Variants in CAMK2G observed in about 807,000 individuals in gnomAD.
The protein encoded by CAMK2G is calcium/calmodulin-dependent protein kinase type II subunit gamma.
In CAMK2G, 23 loss-of-function variants were observed where a neutral mutation model predicts 88.7. The observed-to-expected ratio is 0.26, with a 90% CI of 0.19 to 0.37. CAMK2G has a LOEUF of 0.37. Among genes scored for constraint, CAMK2G ranks in the 10% least tolerant of loss-of-function variants. The pLI is 1.00. For synonymous variants in CAMK2G, 263 were observed against 294.8 expected, an observed-to-expected ratio of 0.89 and a Z score of 1.11; for missense variants, 476 against 780.8, an observed-to-expected ratio of 0.61 and a Z score of 4.65.
At chr10:73,844,931 C>T (rs543200196) in intron 10 of CAMK2G, among the ~76,000 whole-genome samples, 50 of 152,242 alleles carry the variant, frequency 3.3e-4, no homozygotes, top group East Asian at 5.8e-4. Context: ...TGATTCCTGA[C>T]GCTCCCTTAC....
At chr10:73,831,081 T>C (rs973990614) in intron 14 of CAMK2G, among the ~76,000 whole-genome samples, 11 of 152,226 alleles carry the variant, frequency 7.2e-5, no homozygotes, top group African/African-American at 2.7e-4. Context: ...TCTTGCTTTG[T>C]CCTCTCCTTT....
chr10:73,871,167 A>G (rs996561958), intron 2 of CAMK2G, among the ~76,000 whole-genome samples: 17 of 140,794 alleles, frequency 1.2e-4, no homozygotes, highest in East Asian at 2.3e-4. Context: ...TCTTGAGGGG[A>G]AAAAAAAAAA....
intron 10 of CAMK2G, 104 bp downstream of exon 10, chr10:73,847,121 G>T: frequency 8.2e-7 from 1 of 1,221,554 alleles, no homozygotes; most frequent in South Asian, 1.3e-5. Flanking sequence ...GTTATTGCTT[G>T]GGGCCCAGAA....
chr10:73,829,922 G>A (rs968777396), intron 14 of CAMK2G, among the ~76,000 whole-genome samples: 1 of 152,192 alleles, frequency 6.6e-6, no homozygotes, highest in Non-Finnish European at 1.5e-5. Flanking sequence ...AAGAGCACAG[G>A]TTTCTAACTT....
chr10:73,852,177 G>A, intron 5 of CAMK2G, 77 bp downstream of exon 5: 1 of 1,041,000 alleles, frequency 9.6e-7, no homozygotes, highest in South Asian at 1.3e-5. Flanking sequence ...GTACAATGCT[G>A]GACCCCGAAG....
chr10:73,864,223 A>T (rs185313301), intron 2 of CAMK2G, among the ~76,000 whole-genome samples: 5 of 151,972 alleles, frequency 3.3e-5, no homozygotes, highest in Admixed American at 3.3e-4. Context: ...GCTCACTAGA[A>T]CCCAGGAGGT....
intron 14 of CAMK2G, among the ~76,000 whole-genome samples, chr10:73,829,544 C>T (rs998702704): frequency 3.3e-5 from 5 of 152,036 alleles, no homozygotes; most frequent in African/African-American, 9.7e-5. Flanking sequence ...AGGTGATCCA[C>T]CTACCTCGGC....
chr10:73,854,277 G>C (rs2094861909), intron 3 of CAMK2G, among the ~76,000 whole-genome samples: 1 of 152,220 alleles, frequency 6.6e-6, no homozygotes. Context: ...GCGAGAAAAA[G>C]CTGGCAGGCG....
chr10:73,847,482 A>G, intron 9 of CAMK2G, 135 bp from the exon 10 acceptor site: 1 of 906,416 alleles, frequency 1.1e-6, no homozygotes, highest in Non-Finnish European at 1.7e-6. Context: ...AGAGTTGGAG[A>G]AGCCCTGCGG....
chr10:73,821,807 G>T, intron 17 of CAMK2G, 77 bp from the exon 18 acceptor site: 1 of 1,178,058 alleles, frequency 8.5e-7, no homozygotes, highest in Admixed American at 1.9e-5. Context: ...CAAAAGCAGA[G>T]TTTCTGCTCC....
intron 19 of CAMK2G, chr10:73,818,979 G>T (rs762064081): frequency 1.4e-5 from 5 of 365,152 alleles, no homozygotes; most frequent in Non-Finnish European, 2.2e-5. Flanking sequence ...ATCTAACAAG[G>T]CTCTGAGGTG....
At chr10:73,837,615 G>T in intron 13 of CAMK2G, 104 bp from the exon 14 acceptor site, 2 of 921,048 alleles carry the variant, frequency 2.2e-6, no homozygotes, top group Non-Finnish European at 3.6e-6. Flanking sequence ...TGACAAGGGG[G>T]CCAAGGGTCT....
rs1187600812 is a variant in CAMK2G at position 73,848,211 on chromosome 10, C to T, written c.602-129G>A. ...TACCAGAGTCAGAAGTGGATGCCAG[C>T]CGATAATGCTATGCTACCAGCCCCT... On this transcript the variant is annotated intron_variant, in intron 8 of 22. Coordinates refer to ENST00000423381, the MANE Select transcript of CAMK2G (RefSeq NM_001367534.1). This position sits in a 1 kb window ranked among gnomAD's most constrained non-coding sequence, Gnocchi z 4.5. The T allele has an allele frequency of 5.9e-6, 4 of 677,780 alleles. No individual in the cohort carries two copies. The highest frequency in any genetic ancestry group is 1.8e-5 in the African/African-American group (1 of 56,476). The allele number at this position is 677,780 out of a possible 1,614,324, so 42.0% of individuals were successfully genotyped here.
At chr10:73,872,230 T>C (rs770122582) in intron 2 of CAMK2G, among the ~76,000 whole-genome samples, 7 of 152,182 alleles carry the variant, frequency 4.6e-5, no homozygotes, top group Non-Finnish European at 7.4e-5. Flanking sequence ...AGACAGGCCC[T>C]GACCCTCCAA....
In CAMK2G at chr10:73,812,508, T is replaced by C. The variant is rs2084479580; in HGVS notation, c.*2010A>G. The C allele has an allele frequency of 6.6e-6, 1 of 152,612 alleles. No individual in the cohort carries two copies. Among genetic ancestry groups the C allele is most frequent in the South Asian group, 2.1e-4 (1 of 4,828 alleles). The allele number at this position is 152,612 out of a possible 1,614,324, so 9.5% of individuals were successfully genotyped here. On this transcript the variant is annotated 3_prime_UTR_variant, in exon 23 of 23. Transcript: ENST00000423381. ...AACAGCAGTAACACAATGGACTGTT[T>C]AAAGGTTATTTTATTAAATATTTTC...
intron 2 of CAMK2G, among the ~76,000 whole-genome samples, chr10:73,868,856 C>A (rs535465722): frequency 6.6e-6 from 1 of 152,218 alleles, no homozygotes; most frequent in Non-Finnish European, 1.5e-5. Flanking sequence ...CCAGGGCCAG[C>A]TGGACCCAGA....
chr10:73,822,696 C>T (rs2089390404), intron 17 of CAMK2G, among the ~76,000 whole-genome samples: 1 of 152,078 alleles, frequency 6.6e-6, no homozygotes, highest in Non-Finnish European at 1.5e-5. Context: ...AAGGCCACAT[C>T]TGAGCTTCAG....
intron 10 of CAMK2G, among the ~76,000 whole-genome samples, chr10:73,844,394 A>G (rs776378514): frequency 2.7e-5 from 4 of 148,738 alleles, no homozygotes; most frequent in Non-Finnish European, 4.5e-5. Flanking sequence ...CCTGACCAAT[A>G]TAATCTTTAA....
chr10:73,869,564 A>G (rs892180743), intron 2 of CAMK2G, among the ~76,000 whole-genome samples: 1 of 152,252 alleles, frequency 6.6e-6, no homozygotes, highest in Non-Finnish European at 1.5e-5. Flanking sequence ...GCCAAAAGGC[A>G]ACCATGATTG....
Sources: allele counts gnomAD v4.1 joint callset (sites outside exome capture counted in the v4.1 genomes callset), GRCh38; gene constraint gnomAD v4.1.1; non-coding constraint Gnocchi (gnomAD v3.1); transcripts MANE v1.5; gene names NCBI Gene and HGNC (gene_info 2026-07-23, HGNC 2026-07-21).